Variants in SDK1 observed in about 807,000 individuals in gnomAD.
The protein encoded by SDK1 is sidekick cell adhesion molecule 1.
Under a neutral mutation model 245.5 loss-of-function variants are expected in SDK1, and 157 were observed. The observed-to-expected ratio is 0.64, with a 90% CI of 0.56 to 0.73. The LOEUF is 0.73. SDK1 is among the 30% of genes least tolerant of loss of function. The pLI is 0.00. For synonymous variants in SDK1, 1,647 were observed against 1,278.5 expected, an observed-to-expected ratio of 1.29 and a Z score of -6.15; for missense variants, 3,583 against 3,002.3, an observed-to-expected ratio of 1.19 and a Z score of -4.52.
chr7:3,561,656 C>G (rs1374972094), intron 1 of SDK1, among the ~76,000 whole-genome samples: 4 of 152,142 alleles, frequency 2.6e-5, no homozygotes, highest in African/African-American at 9.7e-5. Flanking sequence ...AATCTGATGA[C>G]TTATTTTCTC....
chr7:4,068,085 A>G, intron 20 of SDK1, 149 bp downstream of exon 20: 1 of 628,160 alleles, frequency 1.6e-6, no homozygotes, highest in Non-Finnish European at 2.8e-6. Context: ...GCCGTGTGGC[A>G]GAGTCCCAGC....
chr7:3,655,042 T>C (rs561413058), intron 4 of SDK1, among the ~76,000 whole-genome samples: 1 of 105,364 alleles, frequency 9.5e-6, no homozygotes, highest in African/African-American at 3.8e-5. Flanking sequence ...AGTTGAATCA[T>C]AGCTTGCTTT....
chr7:3,611,792 G>A (rs1781602043), intron 1 of SDK1, among the ~76,000 whole-genome samples: 1 of 151,836 alleles, frequency 6.6e-6, no homozygotes, highest in Non-Finnish European at 1.5e-5. Context: ...CCTTACTCCG[G>A]CAAAAATGGC....
intron 41 of SDK1, among the ~76,000 whole-genome samples, chr7:4,234,903 A>T (rs961230379): frequency 7.2e-5 from 11 of 152,224 alleles, no homozygotes; most frequent in African/African-American, 2.7e-4. Context: ...AGCCCCAGGT[A>T]GGGCCAGCTC....
At chr7:4,232,402 C>CTT (rs1234788967) in intron 40 of SDK1, among the ~76,000 whole-genome samples, 18 of 65,044 alleles carry the variant, frequency 2.8e-4, no homozygotes, top group African/African-American at 8.0e-4. Context: ...CTTTTCTTTT[C>CTT]TTTTCTTTCT....
At position 4,209,920 on chromosome 7, in the gene SDK1, A is replaced by G. The variant is rs572427414; in HGVS notation, c.5402-105A>G. 12 of 1,063,600 alleles carry G rather than the reference A, an allele frequency of 1.1e-5. No homozygotes were observed. The South Asian group carries it at 2.7e-4, about 24-fold the overall frequency. The allele number at this position is 1,063,600 out of a possible 1,614,324, so 65.9% of individuals were successfully genotyped here. Reference sequence around the variant, plus strand: ...CATTCAGACTTTTACTGAGTTGAAAATAACATCGAATAACATTTTTTATTC... The same window carrying G: ...CATTCAGACTTTTACTGAGTTGAAAGTAACATCGAATAACATTTTTTATTC... On this transcript the variant is annotated intron_variant, in intron 37 of 44. Transcript: ENST00000404826.
In SDK1 at chr7:3,637,152, C is replaced by T. The variant is rs1376361215; in HGVS notation, c.459-1852C>T. Among the ~76,000 whole-genome samples, 6 of 151,782 alleles carry T rather than the reference C, an allele frequency of 4.0e-5. No individual in the cohort carries two copies. In the East Asian group the frequency reaches 1.2e-3, roughly 29 times the overall value. On this transcript the variant is annotated intron_variant, in intron 2 of 44. Coordinates refer to ENST00000404826, the MANE Select transcript of SDK1 (RefSeq NM_152744.4). Reference sequence around the variant, plus strand: ...TTGCTCTGTCACCCAGGCTGGAGTGCAGTGGTGCAATCTTAGTTCACTGCA... The same window carrying T: ...TTGCTCTGTCACCCAGGCTGGAGTGTAGTGGTGCAATCTTAGTTCACTGCA...
At chr7:3,548,004 T>G (rs960455875) in intron 1 of SDK1, among the ~76,000 whole-genome samples, 3 of 152,356 alleles carry the variant, frequency 2.0e-5, no homozygotes, top group East Asian at 1.9e-4. Flanking sequence ...CAGCTTTGAT[T>G]GTTTCTAAAG....
chr7:3,453,946 A>G lies in SDK1; in HGVS notation c.298+152062A>G, dbSNP rs17742089. Among the ~76,000 whole-genome samples, 1,115 of 152,236 alleles carry G rather than the reference A, an allele frequency of 7.3e-3. 11 individuals are homozygous for G. Among genetic ancestry groups the G allele is most frequent in the Admixed American group, 0.011 (165 of 15,300 alleles). On this transcript the variant is annotated intron_variant, in intron 1 of 44. Coordinates refer to ENST00000404826, the MANE Select transcript of SDK1 (RefSeq NM_152744.4). Reference sequence around the variant, plus strand: ...GTTAAGTAATCACATTCATTTCCTGATTTTGATACAATGTACGACTGGTTT... The same window carrying G: ...GTTAAGTAATCACATTCATTTCCTGGTTTTGATACAATGTACGACTGGTTT...
chr7:3,591,491 G>A (rs1266715038), intron 1 of SDK1, among the ~76,000 whole-genome samples: 1 of 152,248 alleles, frequency 6.6e-6, no homozygotes, highest in African/African-American at 2.4e-5. Context: ...CGTTGTGAAA[G>A]TCATAAAATT....
intron 19 of SDK1, among the ~76,000 whole-genome samples, chr7:4,067,244 G>A (rs956492345): frequency 1.3e-5 from 2 of 152,198 alleles, no homozygotes; most frequent in Non-Finnish European, 2.9e-5. Flanking sequence ...GGCTCTGCCT[G>A]CCCGTGTTAG....
At chr7:3,977,600 T>G (rs572304493) in intron 13 of SDK1, among the ~76,000 whole-genome samples, 1 of 152,352 alleles carries the variant, frequency 6.6e-6, no homozygotes, top group South Asian at 2.1e-4. Flanking sequence ...GGTCTCCTGA[T>G]CATGCACCCC....
intron 5 of SDK1, among the ~76,000 whole-genome samples, chr7:3,855,804 G>A (rs1306964496): frequency 6.6e-6 from 1 of 152,194 alleles, no homozygotes; most frequent in African/African-American, 2.4e-5. Flanking sequence ...TTTAGTCAAA[G>A]TTCTGAGGGG....
At chr7:3,417,808 AG>A (rs1256570909) in intron 1 of SDK1, among the ~76,000 whole-genome samples, 1 of 152,158 alleles carries the variant, frequency 6.6e-6, no homozygotes, top group Non-Finnish European at 1.5e-5. Flanking sequence ...TAGACTGCTG[AG>A]ATATGGCATG....
At chr7:3,509,509 T>A (rs541130993) in intron 1 of SDK1, among the ~76,000 whole-genome samples, 1 of 152,314 alleles carries the variant, frequency 6.6e-6, no homozygotes, top group East Asian at 1.9e-4. Flanking sequence ...TGTAGGGGCT[T>A]ATTAAATACA....
intron 44 of SDK1, among the ~76,000 whole-genome samples, chr7:4,260,209 G>T (rs575161556): frequency 1.4e-4 from 20 of 147,900 alleles, no homozygotes; most frequent in African/African-American, 3.8e-4. Flanking sequence ...TGGCTGCTCC[G>T]GGGCCTCTGT....
intron 1 of SDK1, among the ~76,000 whole-genome samples, chr7:3,328,695 C>A (rs575278595): frequency 1.3e-5 from 2 of 152,066 alleles, no homozygotes; most frequent in East Asian, 3.9e-4. Flanking sequence ...ATGATGCGCT[C>A]TCCATTTCAT....
At chr7:4,083,873 C>A (rs1022708736) in intron 22 of SDK1, among the ~76,000 whole-genome samples, 1 of 150,678 alleles carries the variant, frequency 6.6e-6, no homozygotes, top group African/African-American at 2.4e-5. Flanking sequence ...AAGACTGCTT[C>A]CCTGTTACTA....
At chr7:4,189,402 C>T (rs1783065109) in intron 35 of SDK1, among the ~76,000 whole-genome samples, 1 of 152,184 alleles carries the variant, frequency 6.6e-6, no homozygotes. Context: ...ATAGGTTTTC[C>T]CCAAAAAGCG....
Sources: gnomAD v4.1 joint callset for allele counts (sites outside exome capture counted in the v4.1 genomes callset) on GRCh38, gnomAD v4.1.1 for gene constraint, MANE v1.5 for transcripts, NCBI Gene and HGNC (gene_info 2026-07-23, HGNC 2026-07-21) for gene names.